CELF5: variants seen among roughly 807,000 people sequenced by gnomAD.
CELF5 encodes the protein CUG-BP and ETR-3 like factor 5.
Under a neutral mutation model 54.9 loss-of-function variants are expected in CELF5, and 6 were observed. That is an observed-to-expected ratio of 0.11 (90% CI 0.06 to 0.22). The LOEUF (loss-of-function observed/expected upper bound fraction) is 0.22, where lower values mean the gene tolerates loss of function less well. CELF5 is among the 10% of genes least tolerant of loss of function. The pLI, the probability that CELF5 is intolerant of heterozygous loss-of-function variation, is 1.00. For missense variants in CELF5, 401 were observed against 678.6 expected (o/e 0.59, Z 4.54); for synonymous variants, 271 against 290.9 (o/e 0.93, Z 0.70).
At chr19:3,249,919 C>T (rs932025015) in intron 1 of CELF5, among the ~76,000 whole-genome samples, 2 of 152,144 alleles carry the variant, frequency 1.3e-5, no homozygotes, top group African/African-American at 4.8e-5. Context: ...AGCCCCTCTG[C>T]CCACTCCCCT....
rs1350325477 is a variant in CELF5 at position 3,275,809 on chromosome 19, C to T, written c.395-47C>T. 1 of 1,574,830 alleles carries T rather than the reference C, an allele frequency of 6.3e-7. No individual in the cohort carries two copies. Among genetic ancestry groups the T allele is most frequent in the South Asian group, 1.1e-5 (1 of 87,776 alleles). On this transcript the variant is annotated intron_variant, in intron 3 of 12. Transcript: ENST00000292672. The surrounding 1 kb of genome is among the most constrained non-coding windows in gnomAD (Gnocchi z 6.7). Reference sequence around the variant, plus strand: ...GAGGGAGGGAGGAATCCCGGAGGCCCTCCCGGAGGCCGGGGACTCGGCTGA... The same window carrying T: ...GAGGGAGGGAGGAATCCCGGAGGCCTTCCCGGAGGCCGGGGACTCGGCTGA...
chr19:3,274,808 G>C (rs905768156), intron 3 of CELF5, among the ~76,000 whole-genome samples: 2 of 152,086 alleles, frequency 1.3e-5, no homozygotes, highest in African/African-American at 4.8e-5. Flanking sequence ...CTCTGGGATG[G>C]GAGCCCCTTT....
intron 1 of CELF5, among the ~76,000 whole-genome samples, chr19:3,237,050 C>T (rs1269464216): frequency 1.3e-5 from 2 of 149,266 alleles, no homozygotes; most frequent in Non-Finnish European, 3.0e-5. Flanking sequence ...TGGTGGCTCA[C>T]GCCTGTAATC....
At chr19:3,291,996 G>A (rs945091885) in intron 11 of CELF5, among the ~76,000 whole-genome samples, 3 of 152,030 alleles carry the variant, frequency 2.0e-5, no homozygotes, top group African/African-American at 4.8e-5. Flanking sequence ...GCCCAGGCTG[G>A]AGTGCAATTG....
chr19:3,227,320 G>A lies in CELF5; in HGVS notation c.259+2322G>A, dbSNP rs80044468. On this transcript the variant is annotated intron_variant, in intron 1 of 12. Transcript: ENST00000292672. ...GGGCCCTCTCTGGGCCTTGGCTGAAGGGAGGTGGAATGGTGAATGGGAAGT... is the reference window on the plus strand; with the variant it reads ...GGGCCCTCTCTGGGCCTTGGCTGAAAGGAGGTGGAATGGTGAATGGGAAGT... Among the ~76,000 whole-genome samples, 3,202 of 152,300 alleles carry A rather than the reference G, an allele frequency of 0.021. 233 individuals are homozygous for A. In the East Asian group the frequency reaches 0.25, roughly 12 times the overall value.
intron 1 of CELF5, among the ~76,000 whole-genome samples, chr19:3,245,859 A>G (rs1436345489): frequency 1.3e-5 from 2 of 152,216 alleles, no homozygotes; most frequent in Non-Finnish European, 2.9e-5. Context: ...AAGGTGCATT[A>G]AAATCTCAAT....
chr19:3,229,460 AG>A (rs949350832), intron 1 of CELF5, among the ~76,000 whole-genome samples: 3 of 152,174 alleles, frequency 2.0e-5, no homozygotes, highest in Non-Finnish European at 2.9e-5. Flanking sequence ...GACAGCCCAG[AG>A]GGGGGCCCTG....
Position 3,276,004 on chromosome 19 carries a change from G to C in CELF5, c.523+20G>C. 1 of 1,591,516 alleles carries C rather than the reference G, an allele frequency of 6.3e-7. No homozygotes were observed. The highest frequency in any genetic ancestry group is 1.7e-5 in the Admixed American group (1 of 58,544). On this transcript the variant is annotated intron_variant, in intron 4 of 12. Transcript: ENST00000292672. ...GCAAAGGTGACTGGCGGGGGCCGGG[G>C]CGGGACTGCGAGAGGGGCCGGGCTA...
At chr19:3,235,789 AATGGATGG>A (rs1278030051) in intron 1 of CELF5, among the ~76,000 whole-genome samples, 2 of 50,684 alleles carry the variant, frequency 3.9e-5, no homozygotes, top group African/African-American at 8.2e-5. Flanking sequence ...TGGATGGATG[AATGGATGG>A]ATGGATGGAT....
intron 2 of CELF5, among the ~76,000 whole-genome samples, chr19:3,265,867 C>A (rs768817850): frequency 6.6e-6 from 1 of 151,934 alleles, no homozygotes; most frequent in East Asian, 1.9e-4. Context: ...AGTGTGATGG[C>A]GTGATCTCAG....
intron 10 of CELF5, among the ~76,000 whole-genome samples, chr19:3,288,954 G>T (rs2080297308): frequency 6.6e-6 from 1 of 152,158 alleles, no homozygotes; most frequent in Admixed American, 6.6e-5. Context: ...TTGAGGGACT[G>T]TTTAAGGCTT....
At position 3,275,201 on chromosome 19, in the gene CELF5, C is replaced by T. The variant is rs1457617066; in HGVS notation, c.395-655C>T. Among the ~76,000 whole-genome samples the T allele has an allele frequency of 6.6e-6, 1 of 152,190 alleles. No individual in the cohort carries two copies. Among genetic ancestry groups the T allele is most frequent in the Non-Finnish European group, 1.5e-5 (1 of 68,046 alleles). On this transcript the variant is annotated intron_variant, in intron 3 of 12. Coordinates refer to ENST00000292672, the MANE Select transcript of CELF5 (RefSeq NM_021938.4). This position sits in a 1 kb window ranked among gnomAD's most constrained non-coding sequence, Gnocchi z 6.7. Reference sequence around the variant, plus strand: ...CAGTTACCCAAGGGGGCAGAGCTCACACAGGAGAGGCTGGCCCAGCTCCGG... The same window carrying T: ...CAGTTACCCAAGGGGGCAGAGCTCATACAGGAGAGGCTGGCCCAGCTCCGG...
At position 3,286,006 on chromosome 19, in the gene CELF5, G is replaced by A; in HGVS notation, c.1167G>A (p.Leu389=). 2 of 1,573,390 alleles carry A rather than the reference G, an allele frequency of 1.3e-6. No homozygotes were observed. The highest frequency in any genetic ancestry group is 1.8e-5 in the Admixed American group (1 of 56,658). ...GCGTCCCCCAGCCGCCGCCCCTCCT[G>A]CAGCAGCAGCAGCGAGAAGGTGAGG... is the stretch of plus-strand genomic sequence containing the variant. ...AHSVPQPPPL[L]QQQQREGPEG... Residue 389 remains leucine (L), a synonymous_variant, in exon 10 of 13, where the codon CTG becomes CTA. Transcript: ENST00000292672.
intron 2 of CELF5, among the ~76,000 whole-genome samples, chr19:3,254,965 C>T (rs1312572257): frequency 6.6e-6 from 1 of 152,032 alleles, no homozygotes; most frequent in African/African-American, 2.4e-5. Flanking sequence ...TGTATACATC[C>T]ATCCACCTAT....
rs2079909465 is a variant in CELF5 at position 3,268,163 on chromosome 19, T to TA, written c.343-5708dup. Among the ~76,000 whole-genome samples the TA allele has an allele frequency of 6.6e-6, 1 of 152,074 alleles. No homozygotes were observed. Among genetic ancestry groups the TA allele is most frequent in the Admixed American group, 6.6e-5 (1 of 15,264 alleles). On this transcript the variant is annotated intron_variant, in intron 2 of 12. Coordinates refer to ENST00000292672, the MANE Select transcript of CELF5 (RefSeq NM_021938.4). This position sits in a 1 kb window ranked among gnomAD's most constrained non-coding sequence, Gnocchi z 4.4. ...ACAGGTGCCCGCCACCACGCCCAGC[T>TA]ACTTTTTGTATTTTTAGTAGAGATG...
At chr19:3,256,574 T>TTAA in intron 2 of CELF5, among the ~76,000 whole-genome samples, 1 of 125,910 alleles carries the variant, frequency 7.9e-6, no homozygotes, top group African/African-American at 3.0e-5. Flanking sequence ...ATTATTATTA[T>TTAA]TAATTTTTTT....
intron 2 of CELF5, among the ~76,000 whole-genome samples, chr19:3,271,492 G>T (rs533625943): frequency 1.3e-5 from 2 of 152,180 alleles, no homozygotes; most frequent in Admixed American, 6.5e-5. Flanking sequence ...CGGCAGGAAG[G>T]TTGGGCTGGG....
chr19:3,274,210 C>T (rs1040347744), intron 3 of CELF5, among the ~76,000 whole-genome samples: 2 of 152,126 alleles, frequency 1.3e-5, no homozygotes, highest in Non-Finnish European at 2.9e-5. Context: ...TGAAATACTC[C>T]ACTCCCTTCA....
chr19:3,253,219 A>G (rs899322017), intron 2 of CELF5, among the ~76,000 whole-genome samples: 2 of 152,166 alleles, frequency 1.3e-5, no homozygotes, highest in Non-Finnish European at 2.9e-5. Context: ...AGTTCTAGGG[A>G]CCATATTAGT....
Sources: allele counts gnomAD v4.1 joint callset (sites outside exome capture counted in the v4.1 genomes callset), GRCh38; gene constraint gnomAD v4.1.1; non-coding constraint Gnocchi (gnomAD v3.1); transcripts MANE v1.5; gene names NCBI Gene and HGNC (gene_info 2026-07-23, HGNC 2026-07-21).